SIK3: variants seen among roughly 807,000 people sequenced by gnomAD.
SIK3 encodes the protein SIK family kinase 3, also known as serine/threonine-protein kinase SIK3.
Under a neutral mutation model 144.2 loss-of-function variants are expected in SIK3, and 28 were observed. The ratio of observed to expected loss-of-function variants is 0.19; its 90% CI spans 0.14 to 0.27. The LOEUF (loss-of-function observed/expected upper bound fraction) is 0.27, where lower values mean the gene tolerates loss of function less well. Among genes scored for constraint, SIK3 ranks in the 10% least tolerant of loss-of-function variants. The probability of loss-of-function intolerance (pLI) is 1.00; values close to 1 mark genes in which losing one functional copy is unlikely to be tolerated. For synonymous variants in SIK3, 686 were observed against 676.3 expected (o/e 1.01, Z -0.22); for missense variants, 1,319 against 1,776.0 (o/e 0.74, Z 4.62).
chr11:116,893,353 C>T (rs1591248547), intron 6 of SIK3, among the ~76,000 whole-genome samples: 1 of 152,068 alleles, frequency 6.6e-6, no homozygotes, highest in Non-Finnish European at 1.5e-5. Context: ...CCACTCAATA[C>T]TGCTGTGAAT....
intron 1 of SIK3, among the ~76,000 whole-genome samples, chr11:117,009,244 A>AT (rs1256597280): frequency 2.0e-5 from 3 of 151,330 alleles, no homozygotes; most frequent in Admixed American, 1.3e-4. Context: ...AAAAAAAAAA[A>AT]AAAAAAATCT....
intron 1 of SIK3, among the ~76,000 whole-genome samples, chr11:116,958,587 A>C (rs1050565905): frequency 6.6e-6 from 1 of 152,158 alleles, no homozygotes; most frequent in Non-Finnish European, 1.5e-5. Context: ...CAGGTATAAC[A>C]ACAGACAGAG....
At chr11:117,091,268 G>T (rs1334264358) in intron 1 of SIK3, among the ~76,000 whole-genome samples, 1 of 132,550 alleles carries the variant, frequency 7.5e-6, no homozygotes, top group Non-Finnish European at 1.5e-5. Context: ...GCGACGGCAC[G>T]ATCTCGGCTC....
At position 116,872,495 on chromosome 11, in the gene SIK3, A is replaced by G. The variant is rs528218689; in HGVS notation, c.1737+986T>C. On this transcript the variant is annotated intron_variant, in intron 13 of 24. Transcript: ENST00000445177. ...AGTGATGGCAAGGGCTATGATATAT[A>G]ATTCTTTCATTACTGAAAGTGTGGC... 2.2e-4 allele frequency among the ~76,000 whole-genome samples: 33 copies of G among 152,348 alleles called. No homozygotes were observed. In the South Asian group the frequency reaches 6.8e-3, roughly 32 times the overall value.
At chr11:116,892,372 A>G (rs1945171828) in intron 6 of SIK3, among the ~76,000 whole-genome samples, 1 of 152,228 alleles carries the variant, frequency 6.6e-6, no homozygotes, top group Non-Finnish European at 1.5e-5. Context: ...ACTCAACAAT[A>G]AGAAAATAAA....
chr11:116,857,220 A>T (rs625145), intron 21 of SIK3: 47,346 of 153,568 alleles, frequency 0.31, 9,497 homozygotes, highest in African/African-American at 0.58. Flanking sequence ...ACTGAACTCA[A>T]ACATTTCAGA....
chr11:117,010,409 T>C (rs931249306), intron 1 of SIK3, among the ~76,000 whole-genome samples: 1 of 152,240 alleles, frequency 6.6e-6, no homozygotes, highest in African/African-American at 2.4e-5. Context: ...AGAGCACCGA[T>C]AAGCCAGGGA....
chr11:116,986,658 A>G lies in SIK3; in HGVS notation c.274-29594T>C, dbSNP rs895451007. 3.9e-5 allele frequency among the ~76,000 whole-genome samples: 6 copies of G among 152,290 alleles called. No individual in the cohort carries two copies. The East Asian group carries it at 1.2e-3, about 29-fold the overall frequency. On this transcript the variant is annotated intron_variant, in intron 1 of 24. Transcript: ENST00000445177. ...TCTTTCCTCTAACCTCAGGCATGTA[A>G]TAAGTACCAAGTAAGTGTTAGTCAC... is the stretch of plus-strand genomic sequence containing the variant.
chr11:116,881,609 T>C (rs1944555812), intron 6 of SIK3, among the ~76,000 whole-genome samples: 1 of 152,102 alleles, frequency 6.6e-6, no homozygotes, highest in Non-Finnish European at 1.5e-5. Flanking sequence ...AAAACAATTC[T>C]TGGGAGATAA....
rs1222593201 is a variant in SIK3 at position 116,857,892 on chromosome 11, C to T, written c.3573G>A (p.Val1191=). Reference sequence around the variant, plus strand: ...GTATCCCCAATTCTTGGGCATGACTCACAGTTCCTAGCAAAGATTCAGGGT... The same window carrying T: ...GTATCCCCAATTCTTGGGCATGACTTACAGTTCCTAGCAAAGATTCAGGGT... ...PGDPESLLGT[V]SHAQELGIHP... The change falls in exon 21 of 25, where the codon GTG becomes GTA. Residue 1191 remains valine (V), a synonymous_variant. Transcript: ENST00000445177. 1 of 1,614,204 alleles carries T rather than the reference C, an allele frequency of 6.2e-7. No homozygotes were observed. Among genetic ancestry groups the T allele is most frequent in the East Asian group, 2.2e-5 (1 of 44,882 alleles).
chr11:116,904,952 A>G (rs1945949267), intron 4 of SIK3: 1 of 167,172 alleles, frequency 6.0e-6, no homozygotes, highest in African/African-American at 2.4e-5. Context: ...CTTTTAGCGC[A>G]TTCACAGAGT....
intron 4 of SIK3, 23 bp from the exon 5 acceptor site, chr11:116,897,340 T>C (rs770547501): frequency 1.2e-6 from 2 of 1,608,844 alleles, no homozygotes; most frequent in Non-Finnish European, 1.7e-6. Flanking sequence ...ATGGACATAA[T>C]TCGTATTATT....
At chr11:117,057,018 G>A (rs2135938491) in intron 1 of SIK3, among the ~76,000 whole-genome samples, 1 of 152,290 alleles carries the variant, frequency 6.6e-6, no homozygotes, top group East Asian at 1.9e-4. Flanking sequence ...TAATTGTAGA[G>A]TCACAGGCAG....
chr11:116,858,066 G>A lies in SIK3; in HGVS notation c.3399C>T (p.His1133=), dbSNP rs754339951. The A allele has an allele frequency of 6.2e-7, 1 of 1,613,862 alleles. No homozygotes were observed. Among genetic ancestry groups the A allele is most frequent in the Non-Finnish European group, 8.5e-7 (1 of 1,179,820 alleles). The part of the protein sequence containing the change: ...SSPTPPHGYA[H]QPALMHSESM... ...TCTCTGAATGCATCAGTGCCGGCTGGTGAGCATACCCGTGGGGCGGGGTGG... is the reference window on the plus strand; with the variant it reads ...TCTCTGAATGCATCAGTGCCGGCTGATGAGCATACCCGTGGGGCGGGGTGG... The change falls in exon 21 of 25, where the codon CAC becomes CAT. Residue 1133 remains histidine, a synonymous_variant. Transcript: ENST00000445177. The surrounding 1 kb of genome is among the most constrained non-coding windows in gnomAD (Gnocchi z 5.4).
chr11:116,911,699 T>C (rs990623095), intron 4 of SIK3, among the ~76,000 whole-genome samples: 3 of 152,250 alleles, frequency 2.0e-5, no homozygotes, highest in African/African-American at 7.2e-5. Flanking sequence ...AAATTTTCTA[T>C]AGTATGCTTA....
intron 1 of SIK3, among the ~76,000 whole-genome samples, chr11:116,983,185 C>A (rs1273856600): frequency 6.6e-6 from 1 of 150,704 alleles, no homozygotes; most frequent in East Asian, 1.9e-4. Flanking sequence ...CAAGATTCGG[C>A]CACTGCACAC....
intron 1 of SIK3, among the ~76,000 whole-genome samples, chr11:117,063,081 C>T (rs1190043282): frequency 1.3e-5 from 2 of 152,162 alleles, no homozygotes; most frequent in Non-Finnish European, 2.9e-5. Flanking sequence ...TACATGACTA[C>T]TTAAAGGGGT....
At position 116,845,121 on chromosome 11, in the gene SIK3, G is replaced by A. The variant is rs1817822196; in HGVS notation, c.*522C>T. Reference sequence around the variant, plus strand: ...CTTTGCCTGCCATTAGGATTCCAGAGGATGGCATCCTTTAGTATTTGCTTT... The same window carrying A: ...CTTTGCCTGCCATTAGGATTCCAGAAGATGGCATCCTTTAGTATTTGCTTT... On this transcript the variant is annotated 3_prime_UTR_variant, in exon 25 of 25. Coordinates refer to ENST00000445177, the MANE Select transcript of SIK3 (RefSeq NM_001366686.3). 1 of 152,104 alleles carries A rather than the reference G, an allele frequency of 6.6e-6. No individual in the cohort carries two copies. Among genetic ancestry groups the A allele is most frequent in the Non-Finnish European group, 1.5e-5 (1 of 68,032 alleles). The allele number at this position is 152,104 out of a possible 1,614,324, so 9.4% of individuals were successfully genotyped here.
chr11:116,988,332 G>C (rs1950390862), intron 1 of SIK3, among the ~76,000 whole-genome samples: 1 of 151,964 alleles, frequency 6.6e-6, no homozygotes, highest in East Asian at 1.9e-4. Flanking sequence ...CTTGCAGTGA[G>C]CCGAGATGGC....
Sources: allele counts gnomAD v4.1 joint callset (sites outside exome capture counted in the v4.1 genomes callset), GRCh38; gene constraint gnomAD v4.1.1; non-coding constraint Gnocchi (gnomAD v3.1); transcripts MANE v1.5; gene names NCBI Gene and HGNC (gene_info 2026-07-23, HGNC 2026-07-21).